Variants in ATG12 observed in about 807,000 individuals in gnomAD.
The protein encoded by ATG12 is ubiquitin-like protein ATG12.
A neutral mutation model predicts 17.6 loss-of-function variants in ATG12; 19 were observed. The ratio of observed to expected loss-of-function variants is 1.08; its 90% confidence interval spans 0.75 to 1.58. The LOEUF is 1.58. Ranked by LOEUF, ATG12 falls within the 40% of genes most tolerant of loss-of-function variation. The pLI, the probability that ATG12 is intolerant of heterozygous loss-of-function variation, is 0.00. For missense variants in ATG12, 214 were observed against 162.0 expected (o/e 1.32, Z -1.74); for synonymous variants, 75 against 62.4 (o/e 1.20, Z -0.95).
rs2112714989 is a variant in ATG12, at chr5:115,830,608, T to C, written c.*1196A>G. ...GCTCAGCAGGAATGCAGTGGTACAA[T>C]CACGACTCACTATACCCTTGAACTT... On this transcript the variant is annotated 3_prime_UTR_variant, in exon 4 of 4. Coordinates refer to ENST00000509910, the MANE Select transcript of ATG12 (RefSeq NM_004707.4). 1 of 152,224 alleles carries C rather than the reference T, an allele frequency of 6.6e-6. No homozygotes were observed. The highest frequency in any genetic ancestry group is 3.4e-3 in the Middle Eastern group (1 of 294). The allele number at this position is 152,224 out of a possible 1,614,324, so 9.4% of individuals were successfully genotyped here.
At position 115,831,790 on chromosome 5, in the gene ATG12, ATT is replaced by A; in HGVS notation, c.*12_*13del. 1 of 1,610,776 alleles carries A rather than the reference ATT, an allele frequency of 6.2e-7. No individual in the cohort carries two copies. Among genetic ancestry groups the A allele is most frequent in the Non-Finnish European group, 8.5e-7 (1 of 1,178,802 alleles). On this transcript the variant is annotated 3_prime_UTR_variant, in exon 4 of 4. Coordinates refer to ENST00000509910, the MANE Select transcript of ATG12 (RefSeq NM_004707.4). Reference sequence around the variant, plus strand: ...ATCCATTTCATGTAGTAGCAAGTTGATTTTCTTTGTGGTTCATCCCCACGCCT... The same window carrying A: ...ATCCATTTCATGTAGTAGCAAGTTGATTCTTTGTGGTTCATCCCCACGCCT...
intron 3 of ATG12, among the ~76,000 whole-genome samples, chr5:115,832,234 T>G (rs1243409291): frequency 6.6e-6 from 1 of 152,176 alleles, no homozygotes; most frequent in Non-Finnish European, 1.5e-5. Flanking sequence ...TTATGCTGTT[T>G]TCTCAATTTC....
chr5:115,834,353 ATAAG>A (rs892272321), intron 2 of ATG12: 1 of 152,252 alleles, frequency 6.6e-6, no homozygotes, highest in African/African-American at 2.4e-5. Flanking sequence ...AAAGCTCTAT[ATAAG>A]TAACAGGTTA....
At chr5:115,834,583 T>C (rs150497037) in intron 2 of ATG12, among the ~76,000 whole-genome samples, 1 of 152,208 alleles carries the variant, frequency 6.6e-6, no homozygotes, top group Non-Finnish European at 1.5e-5. Flanking sequence ...GTCTTTAAAT[T>C]GATGTCTCTA....
chr5:115,832,505 A>C (rs1484648155), intron 3 of ATG12, 97 bp downstream of exon 3: 2 of 1,297,566 alleles, frequency 1.5e-6, no homozygotes, highest in Non-Finnish European at 2.0e-6. Flanking sequence ...AATTAACAAT[A>C]CTACACAATA....
chr5:115,840,185 G>C (rs1231855779), intron 1 of ATG12, among the ~76,000 whole-genome samples: 2 of 152,194 alleles, frequency 1.3e-5, no homozygotes, highest in East Asian at 3.8e-4. Context: ...AATACTTATA[G>C]TGCATCAGGT....
In ATG12 at chr5:115,831,708, C is replaced by G; in HGVS notation, c.*96G>C. The stretch of plus-strand genomic sequence containing the variant: ...TAGACACATACTAAATAGATCACAT[C>G]TGTTAAGTCTCTTGCCACAAGCATC... On this transcript the variant is annotated 3_prime_UTR_variant, in exon 4 of 4. Transcript: ENST00000509910. The G allele has an allele frequency of 1.8e-6, 2 of 1,123,090 alleles. No homozygotes were observed. The highest frequency in any genetic ancestry group is 5.0e-5 in the East Asian group (2 of 39,786). 69.6% of individuals were successfully genotyped at this position (1,123,090 alleles called of 1,614,324 possible).
Position 115,829,573 on chromosome 5 carries a change from T to A in ATG12, c.*2231A>T, listed in dbSNP as rs937613156. On this transcript the variant is annotated 3_prime_UTR_variant, in exon 4 of 4. Transcript: ENST00000509910. ...CATGGGTCATCTATGCACAGTAAGA[T>A]GAAGCATGATATTAATGACATCTAT... 1.3e-5 allele frequency: 2 copies of A among 152,216 alleles called. No homozygotes were observed. The highest frequency in any genetic ancestry group is 2.9e-5 in the Non-Finnish European group (2 of 68,036). 9.4% of individuals were successfully genotyped at this position (152,216 alleles called of 1,614,324 possible). A position where few individuals can be genotyped will look rare whatever the true frequency, so the allele number is the denominator to read the frequency against.
At chr5:115,838,602 G>C (rs981682392) in intron 1 of ATG12, 1 of 152,164 alleles carries the variant, frequency 6.6e-6, no homozygotes, top group Non-Finnish European at 1.5e-5. Context: ...TATGCTGTTT[G>C]TAACTACCAA....
intron 3 of ATG12, 64 bp from the exon 4 acceptor site, chr5:115,831,927 G>T: frequency 4.2e-6 from 6 of 1,422,718 alleles, no homozygotes; most frequent in Non-Finnish European, 4.9e-6. Flanking sequence ...AAACTAAGAA[G>T]ATAAATGCCA....
At chr5:115,832,470 T>G (rs143286818) in intron 3 of ATG12, 132 bp downstream of exon 3, 418 of 1,072,346 alleles carry the variant, frequency 3.9e-4, no homozygotes, top group Non-Finnish European at 4.5e-4. Context: ...AAGAATGGCA[T>G]GCCATCTCTT....
rs1307540125 is a variant in ATG12, at chr5:115,829,910, T to G, written c.*1894A>C. 1 of 151,750 alleles carries G rather than the reference T, an allele frequency of 6.6e-6. No individual in the cohort carries two copies. Among genetic ancestry groups the G allele is most frequent in the African/African-American group, 2.4e-5 (1 of 41,264 alleles). 9.4% of individuals were successfully genotyped at this position (151,750 alleles called of 1,614,324 possible). ...TGGATCACCTGAGGTCAGTCAGGAG[T>G]TTGAGACCAGCCTGGCCAAAATGGT... On this transcript the variant is annotated 3_prime_UTR_variant, in exon 4 of 4. Coordinates refer to ENST00000509910, the MANE Select transcript of ATG12 (RefSeq NM_004707.4).
At chr5:115,839,820 G>A (rs1209241922) in intron 1 of ATG12, among the ~76,000 whole-genome samples, 1 of 152,080 alleles carries the variant, frequency 6.6e-6, no homozygotes, top group Non-Finnish European at 1.5e-5. Flanking sequence ...ACAAGCACAA[G>A]GTAGGAATAG....
chr5:115,831,769 A>G lies in ATG12; in HGVS notation c.*35T>C. On this transcript the variant is annotated 3_prime_UTR_variant, in exon 4 of 4. Coordinates refer to ENST00000509910, the MANE Select transcript of ATG12 (RefSeq NM_004707.4). Reference sequence around the variant, plus strand: ...AGAGCTGTCTCTTCCGTGAAAATCCATTTCATGTAGTAGCAAGTTGATTTT... The same window carrying G: ...AGAGCTGTCTCTTCCGTGAAAATCCGTTTCATGTAGTAGCAAGTTGATTTT... 1.2e-6 allele frequency: 2 copies of G among 1,602,944 alleles called. No homozygotes were observed. The highest frequency in any genetic ancestry group is 1.1e-5 in the South Asian group (1 of 89,916).
chr5:115,840,994 C>A (rs955327908), intron 1 of ATG12: 10 of 802,360 alleles, frequency 1.2e-5, no homozygotes, highest in African/African-American at 7.2e-5. Context: ...CTAATCCAGG[C>A]TTTGCCAATG....
chr5:115,839,317 CAT>C (rs1761231694), intron 1 of ATG12: 1 of 97,652 alleles, frequency 1.0e-5, no homozygotes, highest in Non-Finnish European at 2.0e-5. Context: ...ATCTAGAACA[CAT>C]GATCTTTATC....
intron 2 of ATG12, among the ~76,000 whole-genome samples, chr5:115,836,605 C>T (rs1761112401): frequency 1.3e-5 from 2 of 152,106 alleles, no homozygotes. Flanking sequence ...ACTTGTTTTA[C>T]CCATGCACAC....
intron 2 of ATG12, chr5:115,833,928 T>C (rs1026396804): frequency 5.9e-5 from 9 of 152,280 alleles, no homozygotes; most frequent in East Asian, 1.9e-4. Context: ...GTGCTGAGAA[T>C]TGTACATGGA....
At chr5:115,832,468 C>T (rs1760913743) in intron 3 of ATG12, 134 bp downstream of exon 3, 5 of 1,053,428 alleles carry the variant, frequency 4.7e-6, no homozygotes, top group Middle Eastern at 3.4e-4. Context: ...TTAAGAATGG[C>T]ATGCCATCTC....
Sources: gnomAD v4.1 joint callset for allele counts (sites outside exome capture counted in the v4.1 genomes callset) on GRCh38, gnomAD v4.1.1 for gene constraint, MANE v1.5 for transcripts, NCBI Gene and HGNC (gene_info 2026-07-23, HGNC 2026-07-21) for gene names.